The following NTM variants were observed in gnomAD, a reference collection of about 807,000 sequenced individuals.
The protein encoded by NTM is IgLON family member 2.
In NTM, 13 loss-of-function variants were observed where a neutral mutation model predicts 42.1. That is an observed-to-expected ratio of 0.31 (90% CI 0.20 to 0.49). NTM has a LOEUF of 0.49. Ranked by LOEUF, NTM falls within the 20% of genes least tolerant of loss-of-function variation. The pLI, the probability that NTM is intolerant of heterozygous loss-of-function variation, is 0.99. For synonymous variants in NTM, 187 were observed against 179.2 expected, an observed-to-expected ratio of 1.04 and a Z score of -0.35; for missense variants, 373 against 452.8, an observed-to-expected ratio of 0.82 and a Z score of 1.60.
At chr11:131,826,580 A>G (rs1252196294) in intron 1 of NTM, among the ~76,000 whole-genome samples, 1 of 140,812 alleles carries the variant, frequency 7.1e-6, no homozygotes, top group East Asian at 2.2e-4. Flanking sequence ...AAAAAAAGTC[A>G]GAAAAAGTAT....
chr11:131,652,778 A>G (rs956429013), intron 1 of NTM, among the ~76,000 whole-genome samples: 3 of 152,130 alleles, frequency 2.0e-5, no homozygotes, highest in African/African-American at 7.2e-5. Context: ...ACACAATAGG[A>G]TTGCTCCACG....
chr11:131,492,846 T>C (rs1954938935), intron 1 of NTM, among the ~76,000 whole-genome samples: 2 of 152,104 alleles, frequency 1.3e-5, no homozygotes, highest in Admixed American at 6.6e-5. Flanking sequence ...ACTGAATACA[T>C]AAAAGTGTAG....
chr11:131,706,534 A>G (rs1299214174), intron 1 of NTM, among the ~76,000 whole-genome samples: 1 of 152,022 alleles, frequency 6.6e-6, no homozygotes, highest in Non-Finnish European at 1.5e-5. Flanking sequence ...AGCAAAATAC[A>G]TACTATTTTC....
chr11:131,671,116 G>A (rs2070139581), intron 1 of NTM, among the ~76,000 whole-genome samples: 1 of 152,090 alleles, frequency 6.6e-6, no homozygotes, highest in Non-Finnish European at 1.5e-5. Flanking sequence ...CCAAGCAAAA[G>A]CGCCAGGAAT....
At chr11:131,797,693 C>A (rs1164190074) in intron 1 of NTM, among the ~76,000 whole-genome samples, 2 of 152,144 alleles carry the variant, frequency 1.3e-5, no homozygotes, top group African/African-American at 4.8e-5. Context: ...TCCCAGGTGT[C>A]TTTTCTCACA....
intron 1 of NTM, among the ~76,000 whole-genome samples, chr11:131,803,447 T>G (rs914319261): frequency 6.6e-6 from 1 of 152,094 alleles, no homozygotes; most frequent in Non-Finnish European, 1.5e-5. Context: ...TAGCTGGGAC[T>G]ACAGGTGTGC....
chr11:132,054,706 A>G (rs1018554697), intron 2 of NTM, among the ~76,000 whole-genome samples: 43 of 152,320 alleles, frequency 2.8e-4, no homozygotes, highest in Middle Eastern at 6.8e-3. Flanking sequence ...GCAGCAGGGG[A>G]TATACTAACT....
intron 2 of NTM, among the ~76,000 whole-genome samples, chr11:132,099,785 G>C (rs770890450): frequency 1.3e-5 from 2 of 152,158 alleles, no homozygotes; most frequent in Non-Finnish European, 2.9e-5. Flanking sequence ...TTGAGGAGAA[G>C]GTCAGGTGCT....
chr11:131,401,834 A>ATG (rs1454350997), intron 1 of NTM, among the ~76,000 whole-genome samples: 3 of 86,258 alleles, frequency 3.5e-5, no homozygotes, highest in Admixed American at 2.3e-4. Context: ...ATATATATAT[A>ATG]TATATATATA....
intron 1 of NTM, among the ~76,000 whole-genome samples, chr11:131,457,572 C>A (rs1254308286): frequency 6.6e-6 from 1 of 152,158 alleles, no homozygotes; most frequent in African/African-American, 2.4e-5. Flanking sequence ...AGAAATGATA[C>A]TGCGGCATGG....
intron 4 of NTM, among the ~76,000 whole-genome samples, chr11:132,258,969 C>T (rs1402772873): frequency 6.6e-6 from 1 of 152,138 alleles, no homozygotes; most frequent in African/African-American, 2.4e-5. Context: ...TGTTTAATTC[C>T]ATAAGTTTCC....
intron 1 of NTM, among the ~76,000 whole-genome samples, chr11:131,376,714 TAAGAA>T (rs1364263788): frequency 2.0e-5 from 3 of 151,714 alleles, no homozygotes; most frequent in East Asian, 3.9e-4. Flanking sequence ...CCCTTTGCGA[TAAGAA>T]AAGACTGATC....
chr11:131,474,346 T>C (rs1261346698), intron 1 of NTM, among the ~76,000 whole-genome samples: 1 of 152,134 alleles, frequency 6.6e-6, no homozygotes, highest in African/African-American at 2.4e-5. Flanking sequence ...CTTTGGGCTC[T>C]AACTGTAGCT....
At chr11:131,393,244 C>G (rs1944226105) in intron 1 of NTM, among the ~76,000 whole-genome samples, 1 of 152,182 alleles carries the variant, frequency 6.6e-6, no homozygotes, top group African/African-American at 2.4e-5. Flanking sequence ...GACTGGGATG[C>G]CAGTCCTTGC....
chr11:132,171,598 G>A (rs186812552), intron 3 of NTM, among the ~76,000 whole-genome samples: 175 of 152,256 alleles, frequency 1.1e-3, no homozygotes, highest in Admixed American at 1.8e-3. Context: ...TTAGGATGTC[G>A]ATATATGACT....
intron 1 of NTM, among the ~76,000 whole-genome samples, chr11:131,824,491 C>A (rs571829350): frequency 8.5e-5 from 13 of 152,168 alleles, no homozygotes; most frequent in Non-Finnish European, 1.6e-4. Context: ...TAGTAGAAAG[C>A]GTAAATCCTT....
Position 131,612,861 on chromosome 11 carries a change from G to A in NTM, c.82+241973G>A, listed in dbSNP as rs528028979. On this transcript the variant is annotated intron_variant, in intron 1 of 8. Transcript: ENST00000683400. ...GAAGCCTGTCCCCAAATCCCTACCC[G>A]GGTCCCTCTGTGGCCTGGTTGTCAT... Among the ~76,000 whole-genome samples the A allele has an allele frequency of 3.3e-5, 5 of 152,272 alleles. No homozygotes were observed. The South Asian group carries it at 6.2e-4, about 19-fold the overall frequency.
chr11:132,008,541 C>T (rs1032768321), intron 2 of NTM, among the ~76,000 whole-genome samples: 2 of 151,672 alleles, frequency 1.3e-5, no homozygotes, highest in African/African-American at 4.8e-5. Flanking sequence ...AAGAATGAAC[C>T]ATCTAGTAGC....
chr11:131,983,299 G>C (rs1026927707), intron 2 of NTM, among the ~76,000 whole-genome samples: 2 of 151,146 alleles, frequency 1.3e-5, no homozygotes, highest in African/African-American at 4.9e-5. Context: ...TCTCTAAATT[G>C]TGTAAATTAT....
Sources: allele counts gnomAD v4.1 joint callset (sites outside exome capture counted in the v4.1 genomes callset), GRCh38; gene constraint gnomAD v4.1.1; transcripts MANE v1.5; gene names NCBI Gene and HGNC (gene_info 2026-07-23, HGNC 2026-07-21).